Variants in TRAF3 observed in about 807,000 individuals in gnomAD.
TRAF3 encodes TNF receptor-associated factor 3.
Under a neutral mutation model 62.3 loss-of-function variants are expected in TRAF3, and 13 were observed. That is an observed-to-expected ratio of 0.21 (90% CI 0.14 to 0.33). TRAF3 has a LOEUF of 0.33. Ranked by LOEUF, TRAF3 falls within the 10% of genes least tolerant of loss-of-function variation. The pLI, the probability that TRAF3 is intolerant of heterozygous loss-of-function variation, is 1.00. For synonymous variants in TRAF3, 269 were observed against 283.4 expected (o/e 0.95, Z 0.51); for missense variants, 440 against 741.8 (o/e 0.59, Z 4.73).
rs1256515061 is a variant in TRAF3, at chr14:102,779,187, G to A, written c.-157+1512G>A. On this transcript the variant is annotated intron_variant, in intron 1 of 11. Transcript: ENST00000392745. ...TCATGGATAAGGGTTAAGATGTAAG[G>A]TGTCTCACCCAGACGCCATCTGTTC... Among the ~76,000 whole-genome samples, 5 of 151,442 alleles carry A rather than the reference G, an allele frequency of 3.3e-5. No individual in the cohort carries two copies. In the East Asian group the frequency reaches 7.8e-4, roughly 24 times the overall value.
At chr14:102,856,046 C>A (rs1210983379) in intron 2 of TRAF3, among the ~76,000 whole-genome samples, 1 of 144,230 alleles carries the variant, frequency 6.9e-6, no homozygotes, top group African/African-American at 2.6e-5. Context: ...AAGTCACGTT[C>A]ACACCACTGC....
At chr14:102,813,731 G>A (rs971444381) in intron 1 of TRAF3, among the ~76,000 whole-genome samples, 12 of 151,888 alleles carry the variant, frequency 7.9e-5, no homozygotes, top group African/African-American at 2.7e-4. Context: ...GATTACAGGC[G>A]TGAGCCACCC....
At chr14:102,883,944 G>A (rs1449538416) in intron 6 of TRAF3, among the ~76,000 whole-genome samples, 1 of 152,188 alleles carries the variant, frequency 6.6e-6, no homozygotes, top group Non-Finnish European at 1.5e-5. Context: ...TTCATAGATA[G>A]GACTGATTTC....
At chr14:102,882,305 A>G (rs1207044482) in intron 6 of TRAF3, among the ~76,000 whole-genome samples, 2 of 152,230 alleles carry the variant, frequency 1.3e-5, no homozygotes, top group Non-Finnish European at 2.9e-5. Context: ...CATGCTTGAG[A>G]TGAAACAAGT....
intron 9 of TRAF3, chr14:102,895,251 GCCT>G (rs1163690495): frequency 6.0e-6 from 2 of 335,772 alleles, no homozygotes; most frequent in Admixed American, 7.8e-5. Flanking sequence ...AGGAAGGAAA[GCCT>G]TTGCGGAGTA....
chr14:102,817,134 A>G (rs1396168240), intron 1 of TRAF3, among the ~76,000 whole-genome samples: 3 of 152,118 alleles, frequency 2.0e-5, no homozygotes, highest in East Asian at 3.9e-4. Flanking sequence ...TTGATGCTCA[A>G]GTGGAGATGT....
chr14:102,870,047 C>A (rs1350999425), intron 2 of TRAF3, 138 bp from the exon 3 acceptor site: 3 of 970,156 alleles, frequency 3.1e-6, no homozygotes, highest in Admixed American at 1.8e-5. Context: ...GTTCCCAACA[C>A]ATATTAAAGT....
chr14:102,851,089 G>A (rs563826178), intron 2 of TRAF3, among the ~76,000 whole-genome samples: 3 of 152,290 alleles, frequency 2.0e-5, no homozygotes, highest in African/African-American at 7.2e-5. Context: ...TAATTGGCAA[G>A]TTACTAAAAG....
chr14:102,796,343 C>T lies in TRAF3; in HGVS notation c.-157+18668C>T, dbSNP rs190232272. ...GCCTGGCCTCATACCTCGCCCTTTG[C>T]GTCCCTTCATCTGTGTCTTCTGCAG... On this transcript the variant is annotated intron_variant, in intron 1 of 11. Transcript: ENST00000392745. Among the ~76,000 whole-genome samples, 9 of 152,368 alleles carry T rather than the reference C, an allele frequency of 5.9e-5. No individual in the cohort carries two copies. In the South Asian group the frequency reaches 6.2e-4, roughly 11 times the overall value.
At chr14:102,795,904 G>A (rs1299138065) in intron 1 of TRAF3, among the ~76,000 whole-genome samples, 1 of 152,116 alleles carries the variant, frequency 6.6e-6, no homozygotes, top group African/African-American at 2.4e-5. Context: ...TCATGCCTGT[G>A]TAATGAAGCC....
chr14:102,841,218 G>C (rs924560089), intron 2 of TRAF3, among the ~76,000 whole-genome samples: 1 of 152,216 alleles, frequency 6.6e-6, no homozygotes, highest in East Asian at 1.9e-4. Context: ...AGAATTTGTG[G>C]AGGAAAACAT....
At chr14:102,813,337 G>A (rs1028634222) in intron 1 of TRAF3, among the ~76,000 whole-genome samples, 1 of 152,020 alleles carries the variant, frequency 6.6e-6, no homozygotes, top group East Asian at 1.9e-4. Context: ...GTTTTGTTTT[G>A]CATTTCCTTG....
intron 6 of TRAF3, among the ~76,000 whole-genome samples, chr14:102,884,680 G>A (rs1002815426): frequency 1.3e-5 from 2 of 151,988 alleles, no homozygotes; most frequent in African/African-American, 4.8e-5. Context: ...GCACGGTGAT[G>A]TGTTGCCTGT....
chr14:102,814,220 C>T (rs1899375260), intron 1 of TRAF3, among the ~76,000 whole-genome samples: 1 of 152,226 alleles, frequency 6.6e-6, no homozygotes, highest in South Asian at 2.1e-4. Context: ...AATCAGTTGG[C>T]TGTAGATATG....
chr14:102,832,449 G>A (rs1369645892), intron 2 of TRAF3, among the ~76,000 whole-genome samples: 1 of 151,668 alleles, frequency 6.6e-6, no homozygotes, highest in African/African-American at 2.4e-5. Flanking sequence ...CGAGGCAGGT[G>A]GATCACCTGA....
At chr14:102,823,297 T>C (rs1164757217) in intron 1 of TRAF3, among the ~76,000 whole-genome samples, 1 of 152,232 alleles carries the variant, frequency 6.6e-6, no homozygotes, top group Non-Finnish European at 1.5e-5. Flanking sequence ...TCTGAAATGT[T>C]TCTGGGTCTT....
At chr14:102,782,938 A>G (rs550062424) in intron 1 of TRAF3, among the ~76,000 whole-genome samples, 4 of 152,356 alleles carry the variant, frequency 2.6e-5, no homozygotes, top group Admixed American at 2.0e-4. Flanking sequence ...CAACAGTAGC[A>G]TCAAAGTGGT....
chr14:102,896,827 G>A (rs954250169), intron 9 of TRAF3, among the ~76,000 whole-genome samples: 1 of 152,218 alleles, frequency 6.6e-6, no homozygotes, highest in African/African-American at 2.4e-5. Flanking sequence ...TCTTTGAGAG[G>A]CTGAGGTAGT....
At chr14:102,893,529 G>C (rs1049556845) in intron 9 of TRAF3, among the ~76,000 whole-genome samples, 2 of 152,150 alleles carry the variant, frequency 1.3e-5, no homozygotes, top group African/African-American at 4.8e-5. Context: ...CCTAATCCCT[G>C]TGGGGATTTG....
Sources: gnomAD v4.1 joint callset for allele counts (sites outside exome capture counted in the v4.1 genomes callset) on GRCh38, gnomAD v4.1.1 for gene constraint, MANE v1.5 for transcripts, NCBI Gene and HGNC (gene_info 2026-07-23, HGNC 2026-07-21) for gene names.